Variants in PPP3CA observed in about 807,000 individuals in gnomAD.
PPP3CA encodes the protein CAM-PRP catalytic subunit.
A neutral mutation model predicts 66.5 loss-of-function variants in PPP3CA; 14 were observed. That is an observed-to-expected ratio of 0.21 (90% CI 0.14 to 0.33). The LOEUF (loss-of-function observed/expected upper bound fraction) is 0.33, where lower values mean the gene tolerates loss of function less well. Ranked by LOEUF, PPP3CA falls within the 10% of genes least tolerant of loss-of-function variation. The pLI, the probability that PPP3CA is intolerant of heterozygous loss-of-function variation, is 1.00. For synonymous variants in PPP3CA, 232 were observed against 226.2 expected, an observed-to-expected ratio of 1.03 and a Z score of -0.23; for missense variants, 317 against 639.5, an observed-to-expected ratio of 0.50 and a Z score of 5.44.
chr4:101,057,201 T>G (rs1205221465), intron 10 of PPP3CA, among the ~76,000 whole-genome samples: 1 of 151,970 alleles, frequency 6.6e-6, no homozygotes, highest in Non-Finnish European at 1.5e-5. Flanking sequence ...AATACGGATG[T>G]GCACCACCAT....
intron 2 of PPP3CA, among the ~76,000 whole-genome samples, chr4:101,124,725 G>GAAAGAAAGAAAGAAAGAAAGAAAA (rs1412415941): frequency 1.7e-5 from 1 of 58,768 alleles, no homozygotes; most frequent in African/African-American, 5.7e-5. Context: ...AAGAAAGAAA[G>GAAAGAAAGAAAGAAAGAAAGAAAA]AGAAAGAAAG....
chr4:101,110,444 G>C (rs1462004923), intron 2 of PPP3CA, among the ~76,000 whole-genome samples: 3 of 152,150 alleles, frequency 2.0e-5, no homozygotes, highest in African/African-American at 7.2e-5. Flanking sequence ...AGCACTATAA[G>C]CATGAAGTAG....
At chr4:101,192,913 C>T (rs968300773) in intron 2 of PPP3CA, among the ~76,000 whole-genome samples, 10 of 152,192 alleles carry the variant, frequency 6.6e-5, no homozygotes, top group Admixed American at 6.5e-4. Flanking sequence ...TGCATATTCA[C>T]AACAGGTAGG....
intron 1 of PPP3CA, among the ~76,000 whole-genome samples, chr4:101,314,230 T>C (rs763975439): frequency 4.5e-4 from 68 of 152,014 alleles, no homozygotes; most frequent in Non-Finnish European, 8.4e-4. Context: ...TTTCAACATA[T>C]GTTAATTTTA....
chr4:101,181,182 A>G (rs1186878659), intron 2 of PPP3CA, among the ~76,000 whole-genome samples: 5 of 152,104 alleles, frequency 3.3e-5, no homozygotes, highest in Non-Finnish European at 7.4e-5. Flanking sequence ...AATTTTTTCA[A>G]ATTGGTAGAC....
At chr4:101,275,115 C>A (rs1051809805) in intron 1 of PPP3CA, among the ~76,000 whole-genome samples, 4 of 152,144 alleles carry the variant, frequency 2.6e-5, no homozygotes, top group Admixed American at 1.3e-4. Context: ...TTCCTCATAA[C>A]CCTCATACTT....
At chr4:101,138,615 T>C (rs1722698010) in intron 2 of PPP3CA, among the ~76,000 whole-genome samples, 2 of 152,174 alleles carry the variant, frequency 1.3e-5, no homozygotes, top group South Asian at 2.1e-4. Context: ...TGGAGTGTCA[T>C]GTTGGTACTC....
At chr4:101,127,319 G>A (rs1022220888) in intron 2 of PPP3CA, among the ~76,000 whole-genome samples, 1 of 151,884 alleles carries the variant, frequency 6.6e-6, no homozygotes, top group Admixed American at 6.6e-5. Flanking sequence ...CTAACCCCTG[G>A]TAGCCACAAA....
intron 2 of PPP3CA, among the ~76,000 whole-genome samples, chr4:101,142,678 G>A (rs1379331753): frequency 1.3e-5 from 2 of 152,130 alleles, no homozygotes; most frequent in African/African-American, 4.8e-5. Context: ...CTGGGACCTA[G>A]AGGTGTGAGC....
At chr4:101,089,850 A>C (rs536571238) in intron 6 of PPP3CA, among the ~76,000 whole-genome samples, 36 of 152,298 alleles carry the variant, frequency 2.4e-4, no homozygotes, top group African/African-American at 8.7e-4. Flanking sequence ...CCTCTCTGTC[A>C]CACTGCCTAT....
chr4:101,065,258 C>T (rs1728633774), intron 8 of PPP3CA, among the ~76,000 whole-genome samples: 1 of 152,034 alleles, frequency 6.6e-6, no homozygotes, highest in African/African-American at 2.4e-5. Flanking sequence ...TTGCTAAGTG[C>T]TACCAGAGTT....
At chr4:101,078,368 T>C (rs1729282149) in intron 8 of PPP3CA, among the ~76,000 whole-genome samples, 1 of 152,206 alleles carries the variant, frequency 6.6e-6, no homozygotes. Context: ...AAATGTTTAC[T>C]GCTTTAAAAA....
At chr4:101,290,141 A>G (rs769369496) in intron 1 of PPP3CA, among the ~76,000 whole-genome samples, 4 of 152,230 alleles carry the variant, frequency 2.6e-5, no homozygotes, top group Non-Finnish European at 4.4e-5. Flanking sequence ...AAGTTTACAA[A>G]ACTTGCCAAG....
chr4:101,243,691 G>T (rs1726386326), intron 1 of PPP3CA, among the ~76,000 whole-genome samples: 3 of 152,046 alleles, frequency 2.0e-5, no homozygotes, highest in South Asian at 4.1e-4. Context: ...GTGAATTTTG[G>T]TATCCTTGGG....
intron 10 of PPP3CA, among the ~76,000 whole-genome samples, chr4:101,047,075 C>T (rs1166667452): frequency 1.3e-5 from 2 of 152,122 alleles, no homozygotes; most frequent in East Asian, 3.8e-4. Flanking sequence ...CTTATCTTGT[C>T]TTTTTCTTTC....
intron 1 of PPP3CA, among the ~76,000 whole-genome samples, chr4:101,274,341 T>C (rs1334259853): frequency 6.6e-6 from 1 of 152,138 alleles, no homozygotes; most frequent in Non-Finnish European, 1.5e-5. Flanking sequence ...AGAACTAACA[T>C]AGATGAGAAA....
At position 101,093,797 on chromosome 4, in the gene PPP3CA, CT is replaced by C. The variant is rs2110249812; in HGVS notation, c.760del (p.Arg254GlyfsTer49). ...TQEHFTHNTV[R>X]GCSYFYSYPA... The stretch of plus-strand genomic sequence containing the variant: ...TTACCTGTAGAAGTATGAACACCCC[CT>C]GACTGTGTTGTGAGTGAAATGTTCC... On this transcript the variant is annotated frameshift_variant, in exon 6 of 14. Coordinates refer to ENST00000394854, the MANE Select transcript of PPP3CA (RefSeq NM_000944.5). LOFTEE classifies it high-confidence loss of function. The C allele has an allele frequency of 6.2e-7, 1 of 1,612,636 alleles. No individual in the cohort carries two copies. Among genetic ancestry groups the C allele is most frequent in the Non-Finnish European group, 8.5e-7 (1 of 1,179,152 alleles).
intron 2 of PPP3CA, among the ~76,000 whole-genome samples, chr4:101,129,190 T>C (rs1345757868): frequency 5.3e-5 from 8 of 152,122 alleles, no homozygotes; most frequent in Non-Finnish European, 1.5e-5. Flanking sequence ...CCAGAATGCC[T>C]CTCTAGATTC....
chr4:101,087,816 T>C (rs930457797), intron 6 of PPP3CA, among the ~76,000 whole-genome samples: 6 of 152,160 alleles, frequency 3.9e-5, no homozygotes, highest in Non-Finnish European at 8.8e-5. Flanking sequence ...AAATAGGGGC[T>C]GAATAGCTTG....
Sources: allele counts gnomAD v4.1 joint callset (sites outside exome capture counted in the v4.1 genomes callset), GRCh38; gene constraint gnomAD v4.1.1; transcripts MANE v1.5; gene names NCBI Gene and HGNC (gene_info 2026-07-23, HGNC 2026-07-21).